Variants in CHRM3 observed in about 807,000 individuals in gnomAD.
The protein encoded by CHRM3 is muscarinic acetylcholine receptor M3.
Under a neutral mutation model 41.8 loss-of-function variants are expected in CHRM3, and 11 were observed. The observed-to-expected ratio is 0.26, with a 90% CI of 0.17 to 0.44. The LOEUF (loss-of-function observed/expected upper bound fraction) is 0.44. Among genes scored for constraint, CHRM3 ranks in the 20% least tolerant of loss-of-function variants. The probability of loss-of-function intolerance (pLI) is 1.00; values close to 1 mark genes in which losing one functional copy is unlikely to be tolerated. For missense variants in CHRM3, 571 were observed against 745.4 expected (o/e 0.77, Z 2.72); for synonymous variants, 297 against 301.4 (o/e 0.99, Z 0.15).
At chr1:239,816,198 G>A (rs1254770500) in intron 5 of CHRM3, among the ~76,000 whole-genome samples, 2 of 152,172 alleles carry the variant, frequency 1.3e-5, no homozygotes, top group African/African-American at 4.8e-5. Flanking sequence ...CCAGAATGCA[G>A]AGAAGGCGGT....
intron 4 of CHRM3, among the ~76,000 whole-genome samples, chr1:239,676,997 A>G (rs1291794344): frequency 6.6e-6 from 1 of 152,106 alleles, no homozygotes; most frequent in East Asian, 1.9e-4. Context: ...AGCCTCCTGC[A>G]TGGGAGCATG....
intron 1 of CHRM3, among the ~76,000 whole-genome samples, chr1:239,474,946 A>T (rs1666369056): frequency 6.6e-6 from 1 of 152,096 alleles, no homozygotes; most frequent in Non-Finnish European, 1.5e-5. Flanking sequence ...AGTTTGCAAT[A>T]CTTAGTACTA....
chr1:239,717,927 G>A (rs1352397236), intron 5 of CHRM3, among the ~76,000 whole-genome samples: 1 of 152,010 alleles, frequency 6.6e-6, no homozygotes, highest in African/African-American at 2.4e-5. Context: ...GATACAACAG[G>A]ATAGGGAAGC....
chr1:239,487,879 A>G (rs1350099405), intron 1 of CHRM3, among the ~76,000 whole-genome samples: 3 of 151,694 alleles, frequency 2.0e-5, no homozygotes, highest in Non-Finnish European at 2.9e-5. Flanking sequence ...ACAAAACACA[A>G]AGACAAAAAA....
intron 3 of CHRM3, among the ~76,000 whole-genome samples, chr1:239,631,063 AG>A (rs1049253887): frequency 6.6e-6 from 1 of 152,164 alleles, no homozygotes; most frequent in Non-Finnish European, 1.5e-5. Context: ...GAGAGGAAGA[AG>A]GGATATCAGG....
At chr1:239,417,576 TTTG>T (rs1661592152) in intron 1 of CHRM3, among the ~76,000 whole-genome samples, 1 of 75,924 alleles carries the variant, frequency 1.3e-5, no homozygotes, top group Non-Finnish European at 2.8e-5. Flanking sequence ...GTAAGATTAA[TTTG>T]TTTTTTTTTT....
chr1:239,417,981 A>G (rs567488511), intron 1 of CHRM3, among the ~76,000 whole-genome samples: 1 of 152,328 alleles, frequency 6.6e-6, no homozygotes, highest in South Asian at 2.1e-4. Flanking sequence ...TCTTGATAAG[A>G]AAGCTAAGTT....
chr1:239,505,423 T>G (rs1668505914), intron 2 of CHRM3, among the ~76,000 whole-genome samples: 3 of 152,082 alleles, frequency 2.0e-5, no homozygotes, highest in Admixed American at 2.0e-4. Flanking sequence ...ATGCTGTTCT[T>G]GTGATAGTGA....
In CHRM3 at chr1:239,530,220, T is replaced by C. The variant is rs542388738; in HGVS notation, c.-421-15421T>C. 1.8e-3 allele frequency among the ~76,000 whole-genome samples: 274 copies of C among 152,260 alleles called. 1 individual carries two copies. The highest frequency in any genetic ancestry group is 3.0e-3 in the Non-Finnish European group (204 of 68,022). Reference sequence around the variant, plus strand: ...GCCCGGCCCAAATTATTTTTTTTGTTACTTTTGTTAGTACTTTTCTTCAAA... The same window carrying C: ...GCCCGGCCCAAATTATTTTTTTTGTCACTTTTGTTAGTACTTTTCTTCAAA... On this transcript the variant is annotated intron_variant, in intron 2 of 6. Coordinates refer to ENST00000676153, the MANE Select transcript of CHRM3 (RefSeq NM_001375978.1).
At chr1:239,879,630 G>A (rs2102861894) in intron 6 of CHRM3, among the ~76,000 whole-genome samples, 1 of 152,336 alleles carries the variant, frequency 6.6e-6, no homozygotes, top group Non-Finnish European at 1.5e-5. Context: ...CCACAGGCGT[G>A]AGCAGCCACA....
At chr1:239,601,272 T>C (rs376509795) in intron 3 of CHRM3, among the ~76,000 whole-genome samples, 1 of 152,192 alleles carries the variant, frequency 6.6e-6, no homozygotes, top group East Asian at 1.9e-4. Flanking sequence ...AGGCACAGAA[T>C]GTGAGTGATG....
At chr1:239,469,912 C>A (rs1031156770) in intron 1 of CHRM3, among the ~76,000 whole-genome samples, 4 of 152,130 alleles carry the variant, frequency 2.6e-5, no homozygotes, top group African/African-American at 9.7e-5. Flanking sequence ...AACCACCATG[C>A]ATTTCCCTGA....
At chr1:239,448,820 G>T (rs1411823734) in intron 1 of CHRM3, among the ~76,000 whole-genome samples, 2 of 152,070 alleles carry the variant, frequency 1.3e-5, no homozygotes, top group African/African-American at 2.4e-5. Flanking sequence ...CTTAAAATCA[G>T]GTGCAGCATG....
intron 3 of CHRM3, among the ~76,000 whole-genome samples, chr1:239,557,808 CAT>C (rs1369483602): frequency 6.6e-6 from 1 of 152,102 alleles, no homozygotes; most frequent in Non-Finnish European, 1.5e-5. Context: ...CTGCAAAGGA[CAT>C]GATTTGTTGT....
intron 4 of CHRM3, among the ~76,000 whole-genome samples, chr1:239,674,709 CAAAAAAAAAA>C (rs34078965): frequency 1.6e-3 from 150 of 92,778 alleles, no homozygotes; most frequent in Non-Finnish European, 2.5e-3. Context: ...GACTCCATCT[CAAAAAAAAAA>C]AAAAAAAAGA....
At chr1:239,740,696 T>G (rs367935246) in intron 5 of CHRM3, among the ~76,000 whole-genome samples, 12 of 152,238 alleles carry the variant, frequency 7.9e-5, no homozygotes, top group African/African-American at 2.9e-4. Context: ...GACATTTATG[T>G]GGCCAATAAA....
At chr1:239,483,745 TAG>T (rs1346916441) in intron 1 of CHRM3, among the ~76,000 whole-genome samples, 1 of 152,154 alleles carries the variant, frequency 6.6e-6, no homozygotes, top group Non-Finnish European at 1.5e-5. Flanking sequence ...GTTAATAAAG[TAG>T]AGACAAATTA....
At chr1:239,441,317 C>T (rs575929759) in intron 1 of CHRM3, among the ~76,000 whole-genome samples, 60 of 152,164 alleles carry the variant, frequency 3.9e-4, no homozygotes, top group Non-Finnish European at 7.2e-4. Flanking sequence ...AGCTCGTTTG[C>T]ATGCTTTTCT....
At chr1:239,743,405 A>G (rs1287606656) in intron 5 of CHRM3, among the ~76,000 whole-genome samples, 1 of 152,202 alleles carries the variant, frequency 6.6e-6, no homozygotes, top group Admixed American at 6.5e-5. Context: ...TAATAGTAGA[A>G]CAATAGATAC....
Sources: gnomAD v4.1 joint callset for allele counts (sites outside exome capture counted in the v4.1 genomes callset) on GRCh38, gnomAD v4.1.1 for gene constraint, MANE v1.5 for transcripts, NCBI Gene and HGNC (gene_info 2026-07-23, HGNC 2026-07-21) for gene names.